The following SSX2IP variants were observed in gnomAD, a reference collection of about 807,000 sequenced individuals.
The protein encoded by SSX2IP is SSX family member 2 interacting protein, also known as afadin- and alpha-actinin-binding protein.
In SSX2IP, 55 loss-of-function variants were observed where a neutral mutation model predicts 84.9. The ratio of observed to expected loss-of-function variants is 0.65; its 90% CI spans 0.52 to 0.81. The LOEUF (loss-of-function observed/expected upper bound fraction) is 0.81. SSX2IP is among the 30% of genes least tolerant of loss of function. SSX2IP has a pLI of 0.00. For missense variants in SSX2IP, 664 were observed against 705.2 expected, an observed-to-expected ratio of 0.94 and a Z score of 0.66; for synonymous variants, 239 against 234.7, an observed-to-expected ratio of 1.02 and a Z score of -0.17.
intron 13 of SSX2IP, 80 bp downstream of exon 13, chr1:84,650,280 TAC>T: frequency 7.2e-7 from 1 of 1,387,752 alleles, no homozygotes; most frequent in Non-Finnish European, 1.0e-6. Context: ...TTGCTAATAC[TAC>T]AGACATGCCA....
rs1270326637 is a variant in SSX2IP, at chr1:84,645,792, T to C, written c.*1641A>G. 3 of 152,210 alleles carry C rather than the reference T, an allele frequency of 2.0e-5. No homozygotes were observed. Among genetic ancestry groups the C allele is most frequent in the South Asian group, 4.1e-4 (2 of 4,836 alleles). 9.4% of individuals were successfully genotyped at this position (152,210 alleles called of 1,614,324 possible). A position where few individuals can be genotyped will look rare whatever the true frequency, so the allele number is the denominator to read the frequency against. On this transcript the variant is annotated 3_prime_UTR_variant, in exon 14 of 14. Coordinates refer to ENST00000342203, the MANE Select transcript of SSX2IP (RefSeq NM_001166293.2). ...AGCATATGGTAGTGTCTTCGATATT[T>C]TGTACAATGTGTAGTATTTTAAATA...
intron 6 of SSX2IP, among the ~76,000 whole-genome samples, chr1:84,664,139 G>A (rs949315349): frequency 1.5e-4 from 23 of 152,076 alleles, no homozygotes; most frequent in Non-Finnish European, 4.4e-5. Flanking sequence ...CTTTGCTATG[G>A]AAAATTAGAA....
chr1:84,682,353 C>T (rs1452544259), intron 1 of SSX2IP, among the ~76,000 whole-genome samples: 1 of 152,096 alleles, frequency 6.6e-6, no homozygotes, highest in Admixed American at 6.5e-5. Flanking sequence ...AACCTTGAAC[C>T]GGTCATAATT....
rs769896299 is a variant in SSX2IP, at chr1:84,666,235, A to G, written c.427-3T>C. On this transcript the variant is annotated splice_polypyrimidine_tract_variant and splice_region_variant and intron_variant, in intron 4 of 13. Transcript: ENST00000342203. ...CTCCTGGAGGTTTCCAGTTGTTCCT[A>G]AAACATTTATAAGCAATTTTGCTTA... 3 of 1,605,134 alleles carry G rather than the reference A, an allele frequency of 1.9e-6. No homozygotes were observed. The highest frequency in any genetic ancestry group is 2.6e-6 in the Non-Finnish European group (3 of 1,176,058).
chr1:84,657,147 A>G (rs570872611), intron 9 of SSX2IP, among the ~76,000 whole-genome samples: 5 of 152,274 alleles, frequency 3.3e-5, no homozygotes, highest in Non-Finnish European at 7.4e-5. Flanking sequence ...ACTGAGCAGA[A>G]ATCTTCATTT....
chr1:84,670,212 G>C, intron 3 of SSX2IP: 1 of 181,446 alleles, frequency 5.5e-6, no homozygotes, highest in Non-Finnish European at 1.1e-5. Flanking sequence ...TAAAAGGTTG[G>C]TTACTGGGCA....
At chr1:84,674,643 T>C (rs1654062928) in intron 1 of SSX2IP, among the ~76,000 whole-genome samples, 1 of 152,198 alleles carries the variant, frequency 6.6e-6, no homozygotes, top group Admixed American at 6.5e-5. Flanking sequence ...AAGTCAGTTA[T>C]TCTCTCTGCG....
chr1:84,678,342 G>C (rs1654649884), intron 1 of SSX2IP, among the ~76,000 whole-genome samples: 1 of 152,148 alleles, frequency 6.6e-6, no homozygotes, highest in African/African-American at 2.4e-5. Context: ...TTCAGCCTCT[G>C]TGCCTCCACC....
At chr1:84,669,540 T>C (rs1408036650) in intron 4 of SSX2IP, 141 bp downstream of exon 4, 2 of 666,626 alleles carry the variant, frequency 3.0e-6, no homozygotes, top group African/African-American at 1.8e-5. Flanking sequence ...GTGTGTAAAT[T>C]ATAAGTTCAC....
In SSX2IP at chr1:84,644,125, T is replaced by C. The variant is rs1051960673; in HGVS notation, c.*3308A>G. 3 of 152,198 alleles carry C rather than the reference T, an allele frequency of 2.0e-5. No homozygotes were observed. The highest frequency in any genetic ancestry group is 7.2e-5 in the African/African-American group (3 of 41,442). The allele number at this position is 152,198 out of a possible 1,614,324, so 9.4% of individuals were successfully genotyped here. A position where few individuals can be genotyped will look rare whatever the true frequency, so the allele number is the denominator to read the frequency against. On this transcript the variant is annotated 3_prime_UTR_variant, in exon 14 of 14. Coordinates refer to ENST00000342203, the MANE Select transcript of SSX2IP (RefSeq NM_001166293.2). ...ACTGCTTTGCAGGTCAACATTTTGA[T>C]TGTAGAAAACAAAATCTAGCAAACA...
chr1:84,678,033 C>T (rs918924892), intron 1 of SSX2IP, among the ~76,000 whole-genome samples: 13 of 152,170 alleles, frequency 8.5e-5, no homozygotes, highest in African/African-American at 1.2e-4. Context: ...ATTAAATATA[C>T]ATAAATTTCT....
chr1:84,675,157 CAAG>C (rs1429230956), intron 1 of SSX2IP, among the ~76,000 whole-genome samples: 1 of 152,140 alleles, frequency 6.6e-6, no homozygotes, highest in African/African-American at 2.4e-5. Flanking sequence ...CAAATGCAAC[CAAG>C]AAGGACTCCA....
Position 84,644,301 on chromosome 1 carries a change from C to T in SSX2IP, c.*3132G>A, listed in dbSNP as rs989240758. 1.3e-5 allele frequency: 2 copies of T among 152,206 alleles called. No homozygotes were observed. The highest frequency in any genetic ancestry group is 4.8e-5 in the African/African-American group (2 of 41,448). The allele number at this position is 152,206 out of a possible 1,614,324, so 9.4% of individuals were successfully genotyped here. A position where few individuals can be genotyped will look rare whatever the true frequency, so the allele number is the denominator to read the frequency against. On this transcript the variant is annotated 3_prime_UTR_variant, in exon 14 of 14. Transcript: ENST00000342203. ...AGACTGAATGTGTCCGTAGCATCCA[C>T]CATTGTTTATTACAATGTAGGTTTA...
At chr1:84,677,412 T>C (rs1245325435) in intron 1 of SSX2IP, among the ~76,000 whole-genome samples, 3 of 152,200 alleles carry the variant, frequency 2.0e-5, no homozygotes, top group African/African-American at 7.2e-5. Context: ...AGCTCATCTT[T>C]TTCCTTCTAC....
chr1:84,665,249 T>C (rs1185030675), intron 5 of SSX2IP, among the ~76,000 whole-genome samples: 6 of 152,114 alleles, frequency 3.9e-5, no homozygotes, highest in Admixed American at 6.6e-5. Flanking sequence ...AATCAACAGA[T>C]CTAGTCAAAA....
chr1:84,661,412 G>T (rs1651958801), intron 8 of SSX2IP, among the ~76,000 whole-genome samples: 1 of 144,636 alleles, frequency 6.9e-6, no homozygotes. Flanking sequence ...CTTTCTCCAT[G>T]TTTTTTTTTT....
chr1:84,651,721 C>G (rs1650276230), intron 12 of SSX2IP, among the ~76,000 whole-genome samples, 162 bp downstream of exon 12: 1 of 152,138 alleles, frequency 6.6e-6, no homozygotes, highest in East Asian at 1.9e-4. Flanking sequence ...GAGCAAGACT[C>G]CGTCTCAAAA....
At chr1:84,668,250 A>C (rs1003875711) in intron 4 of SSX2IP, among the ~76,000 whole-genome samples, 25 of 152,146 alleles carry the variant, frequency 1.6e-4, no homozygotes, top group African/African-American at 5.6e-4. Context: ...TTTACTAGCT[A>C]CTTATAAGAC....
chr1:84,690,689 G>T (rs1375810201), upstream of SSX2IP: 1 of 152,276 alleles, frequency 6.6e-6, no homozygotes, highest in Non-Finnish European at 1.5e-5. Flanking sequence ...AAAAAACCCG[G>T]AGAAAAAGAA....
Sources: gnomAD v4.1 joint callset for allele counts (sites outside exome capture counted in the v4.1 genomes callset) on GRCh38, gnomAD v4.1.1 for gene constraint, MANE v1.5 for transcripts, NCBI Gene and HGNC (gene_info 2026-07-23, HGNC 2026-07-21) for gene names.